Variants in TBC1D19 observed in about 807,000 individuals in gnomAD.
TBC1D19 encodes the protein TBC1 domain family, member 19.
In TBC1D19, 60 loss-of-function variants were observed where a neutral mutation model predicts 89.0. The observed-to-expected ratio is 0.67, with a 90% confidence interval of 0.55 to 0.84. The LOEUF is 0.84. TBC1D19 is among the 40% of genes least tolerant of loss of function. The pLI, the probability that TBC1D19 is intolerant of heterozygous loss-of-function variation, is 0.00. For missense variants in TBC1D19, 500 were observed against 610.8 expected (o/e 0.82, Z 1.91); for synonymous variants, 189 against 199.7 (o/e 0.95, Z 0.45).
intron 1 of TBC1D19, among the ~76,000 whole-genome samples, chr4:26,586,837 A>G (rs901472053): frequency 3.9e-5 from 6 of 152,214 alleles, no homozygotes; most frequent in Non-Finnish European, 8.8e-5. Flanking sequence ...TATATTGGTT[A>G]TAGTACCTTT....
At chr4:26,631,545 C>T (rs879496446) in intron 4 of TBC1D19, among the ~76,000 whole-genome samples, 1 of 152,050 alleles carries the variant, frequency 6.6e-6, no homozygotes, top group South Asian at 2.1e-4. Flanking sequence ...TATTAAAAAA[C>T]CCCACTTTTC....
chr4:26,680,441 A>G (rs1480298138), intron 11 of TBC1D19, among the ~76,000 whole-genome samples: 1 of 151,962 alleles, frequency 6.6e-6, no homozygotes, highest in South Asian at 2.1e-4. Context: ...AGTCTTTTCT[A>G]TCTTAGGAAT....
the TBC1D19 span, among the ~76,000 whole-genome samples, chr4:26,798,979 A>T: frequency 1.3e-5 from 2 of 152,190 alleles, no homozygotes; most frequent in Non-Finnish European, 2.9e-5. Context: ...TCCTACTAGT[A>T]TGCAATATGC....
chr4:26,659,744 A>T (rs777481078), intron 8 of TBC1D19, 37 bp downstream of exon 8: 1 of 1,363,554 alleles, frequency 7.3e-7, no homozygotes, highest in Non-Finnish European at 1.0e-6. Context: ...ATCATTTAGA[A>T]GATAACCATT....
At chr4:26,817,915 C>G in the TBC1D19 span, among the ~76,000 whole-genome samples, 1 of 149,378 alleles carries the variant, frequency 6.7e-6, no homozygotes, top group African/African-American at 2.5e-5. Context: ...TTGCAGTGAG[C>G]CAAGATCATG....
intron 4 of TBC1D19, among the ~76,000 whole-genome samples, chr4:26,627,135 C>T (rs539569136): frequency 3.0e-4 from 46 of 151,572 alleles, no homozygotes; most frequent in Admixed American, 2.6e-3. Flanking sequence ...TGAGAACATG[C>T]GGTGTTTGGT....
At chr4:26,684,212 A>C (rs1056372027) in intron 12 of TBC1D19, among the ~76,000 whole-genome samples, 2 of 152,160 alleles carry the variant, frequency 1.3e-5, no homozygotes, top group African/African-American at 4.8e-5. Context: ...AGACACATTG[A>C]GTTTTTGCCT....
At chr4:26,819,941 C>G in the TBC1D19 span, among the ~76,000 whole-genome samples, 1 of 152,222 alleles carries the variant, frequency 6.6e-6, no homozygotes, top group Non-Finnish European at 1.5e-5. Context: ...CTTTCTTACT[C>G]ACCAATTTCG....
intron 7 of TBC1D19, 112 bp downstream of exon 7, chr4:26,640,299 A>C (rs1743413780): frequency 1.2e-6 from 1 of 805,334 alleles, no homozygotes; most frequent in African/African-American, 1.7e-5. Flanking sequence ...CCCCAGAGTC[A>C]CTGAAGCAGT....
intron 13 of TBC1D19, among the ~76,000 whole-genome samples, chr4:26,692,290 G>A (rs998643999): frequency 3.3e-5 from 5 of 152,144 alleles, no homozygotes; most frequent in African/African-American, 1.2e-4. Context: ...TCAGGAAGTT[G>A]TCAGATTCCT....
intron 18 of TBC1D19, among the ~76,000 whole-genome samples, chr4:26,746,223 T>G (rs1718638199): frequency 2.0e-5 from 3 of 148,102 alleles, no homozygotes; most frequent in Admixed American, 6.8e-5. Flanking sequence ...CACAGGTCCT[T>G]GCAGGTCTAT....
chr4:26,662,932 G>A (rs544496682), intron 8 of TBC1D19: 2 of 152,184 alleles, frequency 1.3e-5, no homozygotes, highest in South Asian at 4.2e-4. Flanking sequence ...CCAGAAAACA[G>A]GATCCCAACC....
chr4:26,841,714 G>A, the TBC1D19 span, among the ~76,000 whole-genome samples: 13 of 152,152 alleles, frequency 8.5e-5, no homozygotes, highest in African/African-American at 1.9e-4. Flanking sequence ...GATCCTTTGG[G>A]CCACTCTGTG....
the TBC1D19 span, among the ~76,000 whole-genome samples, chr4:26,849,201 A>AACAC: frequency 0.021 from 3,128 of 149,252 alleles, 52 homozygotes; most frequent in African/African-American, 0.038. Context: ...CACACACACA[A>AACAC]ACACACACAC....
At chr4:26,858,152 C>T in the TBC1D19 span, 18 of 152,206 alleles carry the variant, frequency 1.2e-4, no homozygotes, top group Admixed American at 9.8e-4. Context: ...ATTAACCTGT[C>T]TGCACGTAAC....
chr4:26,839,992 T>A, the TBC1D19 span, among the ~76,000 whole-genome samples: 1 of 152,294 alleles, frequency 6.6e-6, no homozygotes, highest in Admixed American at 6.5e-5. Flanking sequence ...GGACACCGCA[T>A]TGATAAATAT....
chr4:26,706,319 A>G (rs1215074068), intron 13 of TBC1D19, among the ~76,000 whole-genome samples: 1 of 152,132 alleles, frequency 6.6e-6, no homozygotes, highest in Non-Finnish European at 1.5e-5. Flanking sequence ...TTGGTGTACA[A>G]TTGGTCATAG....
At chr4:26,623,655 A>G (rs372912618) in intron 4 of TBC1D19, among the ~76,000 whole-genome samples, 7 of 152,216 alleles carry the variant, frequency 4.6e-5, no homozygotes, top group Middle Eastern at 6.8e-3. Context: ...TAAAATGACC[A>G]TCTCTTCCTG....
chr4:26,823,423 G>T, the TBC1D19 span, among the ~76,000 whole-genome samples: 3 of 152,168 alleles, frequency 2.0e-5, no homozygotes, highest in Non-Finnish European at 4.4e-5. Flanking sequence ...GATACAATTT[G>T]GGTTAATGAG....
Sources: allele counts gnomAD v4.1 joint callset (sites outside exome capture counted in the v4.1 genomes callset), GRCh38; gene constraint gnomAD v4.1.1; transcripts MANE v1.5; gene names NCBI Gene and HGNC (gene_info 2026-07-23, HGNC 2026-07-21).